The following GAN variants were observed in gnomAD, a reference collection of about 807,000 sequenced individuals.
GAN encodes gigaxonin.
Under a neutral mutation model 71.3 loss-of-function variants are expected in GAN, and 48 were observed. That is an observed-to-expected ratio of 0.67 (90% CI 0.53 to 0.86). The LOEUF is 0.86. Among genes scored for constraint, GAN ranks in the 40% least tolerant of loss-of-function variants. The pLI, the probability that GAN is intolerant of heterozygous loss-of-function variation, is 0.00. For missense variants in GAN, 928 were observed against 770.1 expected (o/e 1.21, Z -2.43); for synonymous variants, 386 against 276.8 (o/e 1.39, Z -3.92).
chr16:81,368,721 C>T (rs1261301170), intron 9 of GAN, among the ~76,000 whole-genome samples: 1 of 152,192 alleles, frequency 6.6e-6, no homozygotes, highest in Non-Finnish European at 1.5e-5. Flanking sequence ...CCTTCCCTGC[C>T]CCGCTGCTAC....
chr16:81,378,826 C>T lies in GAN; in HGVS notation c.*1230C>T, dbSNP rs1055289184. 6.6e-6 allele frequency: 1 copy of T among 152,572 alleles called. No homozygotes were observed. Among genetic ancestry groups the T allele is most frequent in the African/African-American group, 2.4e-5 (1 of 41,420 alleles). The allele number at this position is 152,572 out of a possible 1,614,324, so 9.5% of individuals were successfully genotyped here. A position where few individuals can be genotyped will look rare whatever the true frequency, so the allele number is the denominator to read the frequency against. ...CCTATCTCTCATTCTCACCTCAACCCACTTTACCCCACTTCTCATTGGGGG... is the reference window on the plus strand; with the variant it reads ...CCTATCTCTCATTCTCACCTCAACCTACTTTACCCCACTTCTCATTGGGGG... On this transcript the variant is annotated 3_prime_UTR_variant, in exon 11 of 11. Coordinates refer to ENST00000648994, the MANE Select transcript of GAN (RefSeq NM_022041.4).
At chr16:81,368,883 C>T (rs1260321627) in intron 9 of GAN, among the ~76,000 whole-genome samples, 1 of 152,138 alleles carries the variant, frequency 6.6e-6, no homozygotes. Context: ...TTTGATTGCC[C>T]TTCTCAGAAT....
At position 81,386,229 on chromosome 16, in the gene GAN, C is replaced by G. The variant is rs985176537; in HGVS notation, c.*8633C>G. On this transcript the variant is annotated 3_prime_UTR_variant, in exon 11 of 11. Transcript: ENST00000648994. ...AAATTCTCTAATAATACTTAAAACT[C>G]TTTACTAAAGTTGAATTTTCCTTTT... The G allele has an allele frequency of 1.3e-5, 2 of 152,164 alleles. No homozygotes were observed. The highest frequency in any genetic ancestry group is 2.1e-4 in the South Asian group (1 of 4,830). 9.4% of individuals were successfully genotyped at this position (152,164 alleles called of 1,614,324 possible).
intron 1 of GAN, among the ~76,000 whole-genome samples, chr16:81,341,101 G>T (rs949782377): frequency 1.3e-5 from 2 of 151,934 alleles, no homozygotes; most frequent in African/African-American, 2.4e-5. Context: ...GAAAAAAGGA[G>T]TGAAAAGAAA....
At chr16:81,324,886 G>A (rs962561687) in intron 1 of GAN, among the ~76,000 whole-genome samples, 4 of 152,234 alleles carry the variant, frequency 2.6e-5, no homozygotes, top group African/African-American at 7.2e-5. Flanking sequence ...GGCCGTTTCA[G>A]CAGGTGCTGC....
chr16:81,348,296 T>G (rs11866407), intron 1 of GAN, among the ~76,000 whole-genome samples: 3,192 of 152,326 alleles, frequency 0.021, 58 homozygotes, highest in East Asian at 0.081. Context: ...TACTCTTGTT[T>G]TATGTACACA....
chr16:81,390,708 T>C lies in GAN; in HGVS notation c.*13112T>C, dbSNP rs1904535713. On this transcript the variant is annotated 3_prime_UTR_variant, in exon 11 of 11. Coordinates refer to ENST00000648994, the MANE Select transcript of GAN (RefSeq NM_022041.4). ...GTAATTTTGTTTTATGTATTGGAAG[T>C]TCACTTAAAAACTTGAAATATTTTC... is the stretch of plus-strand genomic sequence containing the variant. 1 of 152,228 alleles carries C rather than the reference T, an allele frequency of 6.6e-6. No individual in the cohort carries two copies. The highest frequency in any genetic ancestry group is 1.5e-5 in the Non-Finnish European group (1 of 68,038). The allele number at this position is 152,228 out of a possible 1,614,324, so 9.4% of individuals were successfully genotyped here.
chr16:81,319,206 T>TATATA (rs1555508541), intron 1 of GAN, among the ~76,000 whole-genome samples: 1 of 138,798 alleles, frequency 7.2e-6, no homozygotes, highest in African/African-American at 2.7e-5. Context: ...TAGATATAGA[T>TATATA]TATATATATA....
rs1322912719 is a variant in GAN at position 81,390,637 on chromosome 16, CAG to C, written c.*13043_*13044del. ...ACTGGATTTTATAACTGTAAGAAAA[CAG>C]AAACAGAGTGTTGTATTTTGATCTG... is the stretch of plus-strand genomic sequence containing the variant. On this transcript the variant is annotated 3_prime_UTR_variant, in exon 11 of 11. Transcript: ENST00000648994. The C allele has an allele frequency of 1.3e-5, 2 of 152,148 alleles. No homozygotes were observed. The highest frequency in any genetic ancestry group is 2.9e-5 in the Non-Finnish European group (2 of 68,022). 9.4% of individuals were successfully genotyped at this position (152,148 alleles called of 1,614,324 possible).
chr16:81,377,388 TC>T (rs761530365), intron 10 of GAN, 26 bp from the exon 11 acceptor site: 1 of 1,609,902 alleles, frequency 6.2e-7, no homozygotes. Context: ...GTACATTTTC[TC>T]ACCCTTGCTT....
At chr16:81,344,731 TG>T (rs1429323173) in intron 1 of GAN, among the ~76,000 whole-genome samples, 2 of 151,900 alleles carry the variant, frequency 1.3e-5, no homozygotes, top group Non-Finnish European at 2.9e-5. Context: ...CCAAAAGCAA[TG>T]GCAAAAAAGC....
chr16:81,325,234 C>G (rs1293857238), intron 1 of GAN, among the ~76,000 whole-genome samples: 1 of 152,204 alleles, frequency 6.6e-6, no homozygotes, highest in Non-Finnish European at 1.5e-5. Flanking sequence ...AGAACAAAAG[C>G]TATTTTAATT....
intron 1 of GAN, among the ~76,000 whole-genome samples, chr16:81,329,984 C>A (rs144309136): frequency 8.1e-4 from 123 of 152,310 alleles, no homozygotes; most frequent in African/African-American, 2.9e-3. Flanking sequence ...CTACCAGACT[C>A]CCCAGGAGAA....
chr16:81,340,610 C>G (rs1909909360), intron 1 of GAN, among the ~76,000 whole-genome samples: 2 of 152,016 alleles, frequency 1.3e-5, no homozygotes, highest in South Asian at 4.1e-4. Context: ...AAAGGACATC[C>G]ACACCAAAAC....
intron 1 of GAN, among the ~76,000 whole-genome samples, chr16:81,318,823 C>G (rs1449100251): frequency 3.3e-5 from 5 of 152,136 alleles, no homozygotes; most frequent in East Asian, 1.9e-4. Context: ...CTGGCATCCC[C>G]GGGTTATGTA....
chr16:81,364,939 G>T, intron 7 of GAN, 35 bp from the exon 8 acceptor site: 2 of 1,610,902 alleles, frequency 1.2e-6, no homozygotes, highest in Non-Finnish European at 1.7e-6. Context: ...AATGAGAAAT[G>T]TTGCCTCTCC....
chr16:81,329,501 A>G (rs960591000), intron 1 of GAN, among the ~76,000 whole-genome samples: 2 of 152,332 alleles, frequency 1.3e-5, no homozygotes, highest in Middle Eastern at 3.4e-3. Flanking sequence ...TATCTTGTGC[A>G]CAGTCTCAGC....
chr16:81,355,904 GGGACAGGTAA>G (rs1320950745), intron 3 of GAN, among the ~76,000 whole-genome samples: 2 of 152,138 alleles, frequency 1.3e-5, no homozygotes, highest in Non-Finnish European at 2.9e-5. Context: ...GGTTTTAATT[GGGACAGGTAA>G]GGACAGGTAG....
intron 1 of GAN, among the ~76,000 whole-genome samples, chr16:81,343,735 C>G (rs897469672): frequency 3.3e-5 from 5 of 152,172 alleles, no homozygotes; most frequent in Admixed American, 2.0e-4. Flanking sequence ...TCTCACCATT[C>G]CTATTCAACA....
Sources: allele counts gnomAD v4.1 joint callset (sites outside exome capture counted in the v4.1 genomes callset), GRCh38; gene constraint gnomAD v4.1.1; transcripts MANE v1.5; gene names NCBI Gene and HGNC (gene_info 2026-07-23, HGNC 2026-07-21).